Variants in CNOT8 observed in about 807,000 individuals in gnomAD.
CNOT8 encodes the protein CCR4-NOT transcription complex subunit 8, also known as CAF1-like protein.
A neutral mutation model predicts 34.6 loss-of-function variants in CNOT8; 18 were observed. The ratio of observed to expected loss-of-function variants is 0.52; its 90% CI spans 0.36 to 0.77. CNOT8 has a LOEUF of 0.77. Ranked by LOEUF, CNOT8 falls within the 30% of genes least tolerant of loss-of-function variation. CNOT8 has a pLI of 0.00. For missense variants in CNOT8, 189 were observed against 347.9 expected, an observed-to-expected ratio of 0.54 and a Z score of 3.63; for synonymous variants, 101 against 118.8, an observed-to-expected ratio of 0.85 and a Z score of 0.98.
intron 3 of CNOT8, among the ~76,000 whole-genome samples, chr5:154,870,218 T>TTGTG (rs139825160): frequency 2.7e-5 from 4 of 150,352 alleles, no homozygotes; most frequent in South Asian, 2.1e-4. Flanking sequence ...TAATCTTTGT[T>TTGTG]TGTGTGTGTG....
intron 3 of CNOT8, among the ~76,000 whole-genome samples, chr5:154,870,212 C>A (rs1182184931): frequency 6.7e-6 from 1 of 150,046 alleles, no homozygotes; most frequent in Non-Finnish European, 1.5e-5. Flanking sequence ...CCTGGCTAAT[C>A]TTTGTTTGTG....
chr5:154,871,445 G>A (rs1476126903), intron 4 of CNOT8, among the ~76,000 whole-genome samples: 1 of 151,428 alleles, frequency 6.6e-6, no homozygotes, highest in African/African-American at 2.4e-5. Flanking sequence ...TGTAATCCCA[G>A]CTACTTGGGA....
At chr5:154,867,851 G>C (rs1762048083) in intron 3 of CNOT8, 1 of 168,374 alleles carries the variant, frequency 5.9e-6, no homozygotes, top group Non-Finnish European at 1.3e-5. Flanking sequence ...TAGTTAAGTT[G>C]TAAGTCTGTA....
chr5:154,875,309 T>C lies in CNOT8; in HGVS notation c.749T>C (p.Ile250Thr). ...RMKELFFEDS[I>T]DDAKYCGRLY... Reference sequence around the variant, plus strand: ...CTGCAGTTGTTTTTTGAGGACAGCATTGATGATGCCAAGTACTGTGGGCGG... The same window carrying C: ...CTGCAGTTGTTTTTTGAGGACAGCACTGATGATGCCAAGTACTGTGGGCGG... The change falls in exon 7 of 7, where the codon ATT (isoleucine) becomes ACT (threonine). Residue 250 changes from isoleucine to threonine, a missense_variant. Physicochemically the swap from Ile to Thr is moderately conservative, Grantham distance 89. Coordinates refer to ENST00000285896, the MANE Select transcript of CNOT8 (RefSeq NM_001301073.2). The C allele has an allele frequency of 1.2e-6, 2 of 1,614,148 alleles. No homozygotes were observed. The highest frequency in any genetic ancestry group is 1.7e-6 in the Non-Finnish European group (2 of 1,180,026).
chr5:154,861,992 C>A (rs1761390391), intron 1 of CNOT8, among the ~76,000 whole-genome samples: 1 of 152,162 alleles, frequency 6.6e-6, no homozygotes, highest in Non-Finnish European at 1.5e-5. Flanking sequence ...GCCACCATGC[C>A]CGGCTTTTTT....
In CNOT8 at chr5:154,859,877, AGT is replaced by A. The variant is rs570753572; in HGVS notation, c.-73+1114_-73+1115del. On this transcript the variant is annotated intron_variant, in intron 1 of 6. Coordinates refer to ENST00000285896, the MANE Select transcript of CNOT8 (RefSeq NM_001301073.2). The stretch of plus-strand genomic sequence containing the variant: ...GGGACTTCAGTAATTCATAGGTGTG[AGT>A]GTGTTTGTGAAAACCTTTCCTTCTT... The A allele has an allele frequency of 7.2e-5, 11 of 152,350 alleles. No homozygotes were observed. In the East Asian group the frequency reaches 1.9e-3, roughly 27 times the overall value. 9.4% of individuals were successfully genotyped at this position (152,350 alleles called of 1,614,324 possible).
chr5:154,867,288 G>C (rs1426617324), intron 3 of CNOT8, among the ~76,000 whole-genome samples: 1 of 152,222 alleles, frequency 6.6e-6, no homozygotes, highest in South Asian at 2.1e-4. Flanking sequence ...ATGTAGGTGT[G>C]TATGTGTAGA....
In CNOT8 at chr5:154,875,658, T is replaced by TG; in HGVS notation, c.*219_*220insG. 4.2e-6 allele frequency: 2 copies of TG among 478,808 alleles called. No individual in the cohort carries two copies. Among genetic ancestry groups the TG allele is most frequent in the Admixed American group, 3.7e-5 (1 of 27,064 alleles). The allele number at this position is 478,808 out of a possible 1,614,324, so 29.7% of individuals were successfully genotyped here. On this transcript the variant is annotated 3_prime_UTR_variant, in exon 7 of 7. Transcript: ENST00000285896. Reference sequence around the variant, plus strand: ...TGAATTTGTAAATAAGTCTTCCCCATTCCTCATACTCGAGCCTCTCCTCTC... The same window carrying TG: ...TGAATTTGTAAATAAGTCTTCCCCATGTCCTCATACTCGAGCCTCTCCTCTC...
chr5:154,865,980 TG>T (rs1761827631), intron 3 of CNOT8, among the ~76,000 whole-genome samples: 1 of 152,190 alleles, frequency 6.6e-6, no homozygotes, highest in Non-Finnish European at 1.5e-5. Flanking sequence ...GCTATGAACA[TG>T]GGTGTGCAAA....
intron 1 of CNOT8, among the ~76,000 whole-genome samples, chr5:154,862,698 G>A (rs889943384): frequency 3.9e-5 from 6 of 152,106 alleles, no homozygotes; most frequent in African/African-American, 1.4e-4. Context: ...TTTGTGGGAT[G>A]GGGGAAGAAT....
At chr5:154,875,202 C>A in intron 6 of CNOT8, 88 bp from the exon 7 acceptor site, 1 of 1,425,126 alleles carries the variant, frequency 7.0e-7, no homozygotes, top group Non-Finnish European at 9.6e-7. Flanking sequence ...CAGACGTGAG[C>A]CATTGCACCC....
chr5:154,860,647 C>G (rs1280620489), intron 1 of CNOT8, among the ~76,000 whole-genome samples: 2 of 152,100 alleles, frequency 1.3e-5, no homozygotes, highest in African/African-American at 4.8e-5. Flanking sequence ...ATTTTTTGGC[C>G]AGCATATGCA....
intron 4 of CNOT8, 44 bp downstream of exon 4, chr5:154,870,866 A>T: frequency 6.6e-7 from 1 of 1,519,602 alleles, no homozygotes; most frequent in Non-Finnish European, 9.0e-7. Context: ...TTTGGGCTAC[A>T]CTGAAGCAGG....
At chr5:154,865,712 A>G (rs1387212065) in intron 3 of CNOT8, among the ~76,000 whole-genome samples, 1 of 152,198 alleles carries the variant, frequency 6.6e-6, no homozygotes, top group Non-Finnish European at 1.5e-5. Flanking sequence ...AGTCAAAAAG[A>G]CATAATAAGT....
chr5:154,862,199 T>C (rs1040203399), intron 1 of CNOT8, among the ~76,000 whole-genome samples: 4 of 152,232 alleles, frequency 2.6e-5, no homozygotes, highest in Non-Finnish European at 4.4e-5. Context: ...GTTGAATTGC[T>C]GCATAGTTTC....
chr5:154,870,390 GTT>G (rs59523415), intron 3 of CNOT8: 420 of 201,756 alleles, frequency 2.1e-3, no homozygotes, highest in South Asian at 3.4e-3. Context: ...GGTGTTATTG[GTT>G]TTTTTTTTTT....
intron 3 of CNOT8, among the ~76,000 whole-genome samples, chr5:154,868,994 C>A (rs372370614): frequency 1.3e-5 from 2 of 152,202 alleles, no homozygotes; most frequent in African/African-American, 4.8e-5. Context: ...GCTGCTGGAT[C>A]CCCTGAGACT....
intron 6 of CNOT8, among the ~76,000 whole-genome samples, chr5:154,874,832 C>G (rs1297123267): frequency 6.6e-6 from 1 of 151,968 alleles, no homozygotes; most frequent in Non-Finnish European, 1.5e-5. Flanking sequence ...TGTGCCTGGC[C>G]GAGCCTTTCT....
intron 1 of CNOT8, among the ~76,000 whole-genome samples, chr5:154,862,149 T>G (rs1019583777): frequency 6.6e-6 from 1 of 152,222 alleles, no homozygotes; most frequent in Non-Finnish European, 1.5e-5. Flanking sequence ...TCATTCTGTT[T>G]CTGGTTGAAT....
Sources: allele counts gnomAD v4.1 joint callset (sites outside exome capture counted in the v4.1 genomes callset), GRCh38; gene constraint gnomAD v4.1.1; transcripts MANE v1.5; gene names NCBI Gene and HGNC (gene_info 2026-07-23, HGNC 2026-07-21).